ROBO1: variants seen among roughly 807,000 people sequenced by gnomAD.
ROBO1 encodes the protein roundabout homolog 1.
A neutral mutation model predicts 195.9 loss-of-function variants in ROBO1; 149 were observed. That is an observed-to-expected ratio of 0.76 (90% confidence interval 0.67 to 0.87). The LOEUF is 0.87. Among genes scored for constraint, ROBO1 ranks in the 40% least tolerant of loss-of-function variants. ROBO1 has a pLI of 0.00. For synonymous variants in ROBO1, 816 were observed against 733.2 expected, an observed-to-expected ratio of 1.11 and a Z score of -1.82; for missense variants, 1,933 against 2,068.3, an observed-to-expected ratio of 0.93 and a Z score of 1.27.
At chr3:79,258,356 A>C (rs1039039214) in intron 2 of ROBO1, among the ~76,000 whole-genome samples, 3 of 152,178 alleles carry the variant, frequency 2.0e-5, no homozygotes, top group Admixed American at 6.5e-5. Flanking sequence ...TTGCATTCTA[A>C]AATTAGTACA....
At chr3:78,712,036 A>C (rs1055441245) in intron 8 of ROBO1, among the ~76,000 whole-genome samples, 5 of 142,822 alleles carry the variant, frequency 3.5e-5, no homozygotes, top group South Asian at 4.3e-4. Context: ...AAAAAAAAAA[A>C]AAAAAAAAAA....
intron 2 of ROBO1, among the ~76,000 whole-genome samples, chr3:79,566,389 C>T (rs745836184): frequency 6.6e-6 from 1 of 152,030 alleles, no homozygotes; most frequent in East Asian, 1.9e-4. Flanking sequence ...CTCAGTTCAT[C>T]ATTATTTGTT....
chr3:79,344,372 T>A (rs1456613196), intron 2 of ROBO1, among the ~76,000 whole-genome samples: 1 of 152,096 alleles, frequency 6.6e-6, no homozygotes, highest in East Asian at 1.9e-4. Flanking sequence ...AGTCCTATCG[T>A]GCAAAAGAGA....
At chr3:78,639,927 T>C in intron 21 of ROBO1, 29 bp from the exon 22 acceptor site, 2 of 1,491,776 alleles carry the variant, frequency 1.3e-6, no homozygotes, top group South Asian at 1.3e-5. Context: ...TTAAAGCAAA[T>C]GTTATATGAA....
At chr3:79,210,665 C>A (rs1041110240) in intron 2 of ROBO1, among the ~76,000 whole-genome samples, 1 of 152,076 alleles carries the variant, frequency 6.6e-6, no homozygotes. Flanking sequence ...CAAAAGGACA[C>A]CTTCTGATTG....
At chr3:79,745,869 C>T (rs1282660500) in intron 1 of ROBO1, among the ~76,000 whole-genome samples, 1 of 151,556 alleles carries the variant, frequency 6.6e-6, no homozygotes, top group Non-Finnish European at 1.5e-5. Flanking sequence ...GGCTTTTTAC[C>T]CCTTAAAAAT....
intron 2 of ROBO1, among the ~76,000 whole-genome samples, chr3:79,239,028 A>G (rs2082463818): frequency 6.6e-6 from 1 of 152,192 alleles, no homozygotes; most frequent in Admixed American, 6.5e-5. Flanking sequence ...ACAGCACAAA[A>G]GTCCTTTGGG....
intron 2 of ROBO1, among the ~76,000 whole-genome samples, chr3:79,312,245 A>C (rs1239972948): frequency 1.3e-5 from 2 of 152,160 alleles, no homozygotes; most frequent in African/African-American, 4.8e-5. Flanking sequence ...CTCTCAAGTC[A>C]ACTGTAACCT....
intron 3 of ROBO1, among the ~76,000 whole-genome samples, chr3:78,966,005 C>T (rs1024958624): frequency 1.3e-5 from 2 of 152,130 alleles, no homozygotes; most frequent in Non-Finnish European, 2.9e-5. Context: ...GTCCCCAATC[C>T]CCAGCTGCAG....
intron 3 of ROBO1, among the ~76,000 whole-genome samples, chr3:79,108,310 C>G (rs1164449811): frequency 1.3e-5 from 2 of 151,626 alleles, no homozygotes; most frequent in African/African-American, 2.4e-5. Context: ...AAAGGTGACT[C>G]TATATTAACT....
chr3:79,634,158 A>G (rs1335324315), intron 1 of ROBO1, among the ~76,000 whole-genome samples: 1 of 152,200 alleles, frequency 6.6e-6, no homozygotes, highest in Non-Finnish European at 1.5e-5. Context: ...CTCTGCAAAT[A>G]TACTATCTGT....
At chr3:79,074,586 T>C (rs1458392179) in intron 3 of ROBO1, among the ~76,000 whole-genome samples, 1 of 150,234 alleles carries the variant, frequency 6.7e-6, no homozygotes, top group East Asian at 2.0e-4. Context: ...TTCAGCTCAT[T>C]ATTATTATTA....
At chr3:79,551,294 G>A (rs927409898) in intron 2 of ROBO1, among the ~76,000 whole-genome samples, 2 of 151,236 alleles carry the variant, frequency 1.3e-5, no homozygotes, top group African/African-American at 2.4e-5. Context: ...CCATTAACTC[G>A]TCATTTAGCA....
At chr3:79,317,030 AC>A (rs2033765944) in intron 2 of ROBO1, among the ~76,000 whole-genome samples, 1 of 152,172 alleles carries the variant, frequency 6.6e-6, no homozygotes, top group Non-Finnish European at 1.5e-5. Flanking sequence ...ACAACTTAGA[AC>A]CTAAGTTTAT....
intron 2 of ROBO1, among the ~76,000 whole-genome samples, chr3:79,421,061 G>A (rs2038203886): frequency 1.3e-5 from 2 of 152,014 alleles, no homozygotes; most frequent in Non-Finnish European, 2.9e-5. Flanking sequence ...AATAGAGAAT[G>A]TCCTTTGCAA....
chr3:79,080,164 C>T (rs1274608280), intron 3 of ROBO1, among the ~76,000 whole-genome samples: 2 of 151,828 alleles, frequency 1.3e-5, no homozygotes, highest in Non-Finnish European at 2.9e-5. Flanking sequence ...ATGCATTATA[C>T]ATATTATTTA....
At chr3:78,689,753 A>G (rs1050225120) in intron 8 of ROBO1, among the ~76,000 whole-genome samples, 2 of 152,002 alleles carry the variant, frequency 1.3e-5, no homozygotes, top group Non-Finnish European at 2.9e-5. Flanking sequence ...CCACTTTTTA[A>G]GACTTTTCCA....
chr3:79,716,766 C>T (rs935541904), intron 1 of ROBO1, among the ~76,000 whole-genome samples: 5 of 151,818 alleles, frequency 3.3e-5, no homozygotes, highest in African/African-American at 1.2e-4. Flanking sequence ...TTTAATAACA[C>T]AGCATGCCAA....
intron 3 of ROBO1, among the ~76,000 whole-genome samples, chr3:78,945,949 CGAGAA>C (rs901120737): frequency 6.7e-6 from 1 of 149,110 alleles, no homozygotes; most frequent in Non-Finnish European, 1.5e-5. Flanking sequence ...TGAAATGAAG[CGAGAA>C]GAGAAGTTTA....
Sources: allele counts gnomAD v4.1 joint callset (sites outside exome capture counted in the v4.1 genomes callset), GRCh38; gene constraint gnomAD v4.1.1; transcripts MANE v1.5; gene names NCBI Gene and HGNC (gene_info 2026-07-23, HGNC 2026-07-21).